FUT9: variants seen among roughly 807,000 people sequenced by gnomAD.
The protein encoded by FUT9 is fucosyltransferase 9.
Under a neutral mutation model 29.7 loss-of-function variants are expected in FUT9, and 15 were observed. The ratio of observed to expected loss-of-function variants is 0.51; its 90% CI spans 0.34 to 0.78. The LOEUF (loss-of-function observed/expected upper bound fraction) is 0.78, where lower values mean the gene tolerates loss of function less well. Ranked by LOEUF, FUT9 falls within the 30% of genes least tolerant of loss-of-function variation. The probability of loss-of-function intolerance (pLI) is 0.01; values close to 1 mark genes in which losing one functional copy is unlikely to be tolerated. For synonymous variants in FUT9, 169 were observed against 153.7 expected (o/e 1.10, Z -0.74); for missense variants, 319 against 425.4 (o/e 0.75, Z 2.20).
chr6:96,104,901 C>T (rs1404474631), intron 1 of FUT9, among the ~76,000 whole-genome samples: 1 of 152,132 alleles, frequency 6.6e-6, no homozygotes, highest in South Asian at 2.1e-4. Flanking sequence ...TTGGCAGGTA[C>T]AGATTTTATT....
chr6:96,113,627 G>A (rs1412486703), intron 1 of FUT9, among the ~76,000 whole-genome samples: 14 of 151,854 alleles, frequency 9.2e-5, no homozygotes, highest in African/African-American at 2.2e-4. Context: ...AGGCCGAGGC[G>A]GGCGGATCAC....
intron 2 of FUT9, among the ~76,000 whole-genome samples, chr6:96,186,378 A>G (rs556577082): frequency 5.0e-4 from 76 of 152,206 alleles, no homozygotes; most frequent in African/African-American, 1.8e-3. Flanking sequence ...ATTTGGTCTG[A>G]TGCAGAAACT....
chr6:96,191,323 T>C (rs1332017572), intron 2 of FUT9, among the ~76,000 whole-genome samples: 3 of 152,028 alleles, frequency 2.0e-5, no homozygotes, highest in Non-Finnish European at 2.9e-5. Context: ...ACAAAATTGA[T>C]AGACCACTAG....
At chr6:96,155,664 C>A (rs1267909869) in intron 2 of FUT9, among the ~76,000 whole-genome samples, 1 of 147,674 alleles carries the variant, frequency 6.8e-6, no homozygotes, top group African/African-American at 2.5e-5. Context: ...CAGAGTGAGA[C>A]TCCGTTTAAA....
intron 1 of FUT9, among the ~76,000 whole-genome samples, chr6:96,052,175 G>C (rs1330337692): frequency 3.3e-5 from 5 of 152,116 alleles, no homozygotes; most frequent in African/African-American, 1.2e-4. Flanking sequence ...AAAACCATCA[G>C]ATCTCATGAG....
In FUT9 at chr6:96,061,744, A is replaced by G. The variant is rs751905215; in HGVS notation, c.-98+45532A>G. On this transcript the variant is annotated intron_variant, in intron 1 of 2. Transcript: ENST00000302103. ...TGGTGTCTAGCTACTTTTCATTGTTAGCATTATTTATACTGTAATTCTTTC... is the reference window on the plus strand; with the variant it reads ...TGGTGTCTAGCTACTTTTCATTGTTGGCATTATTTATACTGTAATTCTTTC... 2.6e-5 allele frequency among the ~76,000 whole-genome samples: 4 copies of G among 152,108 alleles called. No homozygotes were observed. In the South Asian group the frequency reaches 6.2e-4, roughly 24 times the overall value.
At chr6:96,128,939 A>G (rs937599053) in intron 2 of FUT9, among the ~76,000 whole-genome samples, 17 of 151,962 alleles carry the variant, frequency 1.1e-4, no homozygotes, top group African/African-American at 3.9e-4. Flanking sequence ...AGCCTGCGCA[A>G]CATGGTGAAA....
chr6:96,088,567 T>TGC (rs1554191740), intron 1 of FUT9, among the ~76,000 whole-genome samples: 226 of 129,674 alleles, frequency 1.7e-3, no homozygotes, highest in African/African-American at 5.8e-3. Context: ...TGTGTGTGTG[T>TGC]GCGTGCGCGC....
intron 2 of FUT9, among the ~76,000 whole-genome samples, chr6:96,189,104 T>A (rs1773458415): frequency 6.6e-6 from 1 of 152,046 alleles, no homozygotes; most frequent in Non-Finnish European, 1.5e-5. Context: ...GTTGGGAGAC[T>A]GTTCGGGGAA....
At chr6:96,070,142 TTGA>T (rs1771033482) in intron 1 of FUT9, among the ~76,000 whole-genome samples, 1 of 152,194 alleles carries the variant, frequency 6.6e-6, no homozygotes, top group African/African-American at 2.4e-5. Flanking sequence ...TCTTACCTTG[TTGA>T]TGAGCTGATA....
chr6:96,189,562 A>T (rs1255515441), intron 2 of FUT9, among the ~76,000 whole-genome samples: 1 of 152,062 alleles, frequency 6.6e-6, no homozygotes, highest in Non-Finnish European at 1.5e-5. Flanking sequence ...TAGGTCTCTA[A>T]GGACTTGCTT....
chr6:96,087,991 A>G (rs1027812038), intron 1 of FUT9, among the ~76,000 whole-genome samples: 6 of 152,164 alleles, frequency 3.9e-5, no homozygotes, highest in Non-Finnish European at 5.9e-5. Flanking sequence ...TGGCTATGCA[A>G]TTCTGTTTTT....
chr6:96,020,084 T>C (rs2127920503), intron 1 of FUT9, among the ~76,000 whole-genome samples: 1 of 152,240 alleles, frequency 6.6e-6, no homozygotes, highest in South Asian at 2.1e-4. Flanking sequence ...TTAAAGGTAA[T>C]CAGTCAACCA....
At position 96,151,688 on chromosome 6, in the gene FUT9, T is replaced by C. The variant is rs142454577; in HGVS notation, c.-9+37561T>C. 1.1e-4 allele frequency among the ~76,000 whole-genome samples: 17 copies of C among 152,316 alleles called. No homozygotes were observed. In the East Asian group the frequency reaches 3.3e-3, roughly 29 times the overall value. On this transcript the variant is annotated intron_variant, in intron 2 of 2. Coordinates refer to ENST00000302103, the MANE Select transcript of FUT9 (RefSeq NM_006581.4). ...AAGCTGTGAGCTGAGTTTTGTTATA[T>C]TCAGATTCACTATCCATATCTCTCA... is the stretch of plus-strand genomic sequence containing the variant.
intron 1 of FUT9, among the ~76,000 whole-genome samples, chr6:96,092,120 AATTG>A (rs1771421285): frequency 6.6e-6 from 1 of 152,130 alleles, no homozygotes; most frequent in Admixed American, 6.6e-5. Context: ...AACAGTAAAA[AATTG>A]ATTGATCTAT....
intron 1 of FUT9, among the ~76,000 whole-genome samples, chr6:96,040,354 C>T (rs1388827358): frequency 6.6e-6 from 1 of 152,150 alleles, no homozygotes; most frequent in East Asian, 1.9e-4. Context: ...AAAAAGAGCA[C>T]TGCTTATTAG....
chr6:96,159,114 T>C (rs1019598237), intron 2 of FUT9, among the ~76,000 whole-genome samples: 1 of 152,314 alleles, frequency 6.6e-6, no homozygotes, highest in Middle Eastern at 3.4e-3. Flanking sequence ...AATTGATATT[T>C]ACAAGTAAAA....
chr6:96,061,262 A>AT (rs917663542), intron 1 of FUT9, among the ~76,000 whole-genome samples: 2 of 146,196 alleles, frequency 1.4e-5, no homozygotes, highest in African/African-American at 5.0e-5. Context: ...CTTAAGAATG[A>AT]TTTTATCACC....
intron 1 of FUT9, among the ~76,000 whole-genome samples, chr6:96,069,132 T>C (rs559168504): frequency 5.3e-5 from 8 of 152,188 alleles, no homozygotes; most frequent in African/African-American, 1.9e-4. Flanking sequence ...CTGGCCAACA[T>C]AGTGAAACCC....
Sources: gnomAD v4.1 joint callset for allele counts (sites outside exome capture counted in the v4.1 genomes callset) on GRCh38, gnomAD v4.1.1 for gene constraint, MANE v1.5 for transcripts, NCBI Gene and HGNC (gene_info 2026-07-23, HGNC 2026-07-21) for gene names.